The following NXPE3 variants were observed in gnomAD, a reference collection of about 807,000 sequenced individuals.
NXPE3 encodes neurexophilin and PC-esterase domain family member 3.
Under a neutral mutation model 46.1 loss-of-function variants are expected in NXPE3, and 26 were observed. The ratio of observed to expected loss-of-function variants is 0.56; its 90% CI spans 0.41 to 0.78. The LOEUF is 0.78. Among genes scored for constraint, NXPE3 ranks in the 30% least tolerant of loss-of-function variants. The pLI, the probability that NXPE3 is intolerant of heterozygous loss-of-function variation, is 0.00. For synonymous variants in NXPE3, 272 were observed against 257.9 expected (o/e 1.05, Z -0.52); for missense variants, 620 against 686.0 (o/e 0.90, Z 1.07).
At chr3:101,813,604 CT>C (rs1469372535) in intron 6 of NXPE3, among the ~76,000 whole-genome samples, 1 of 151,974 alleles carries the variant, frequency 6.6e-6, no homozygotes, top group Non-Finnish European at 1.5e-5. Flanking sequence ...AAAAATATCC[CT>C]TCTGGTTTTG....
At chr3:101,803,419 A>AT (rs1277122934) in intron 5 of NXPE3, among the ~76,000 whole-genome samples, 3 of 152,328 alleles carry the variant, frequency 2.0e-5, no homozygotes, top group South Asian at 2.1e-4. Flanking sequence ...GAAGACTAGT[A>AT]TTTTCTATGG....
chr3:101,824,478 C>G lies in NXPE3; in HGVS notation c.*2524C>G, dbSNP rs1343726375. 1 of 152,452 alleles carries G rather than the reference C, an allele frequency of 6.6e-6. No individual in the cohort carries two copies. Among genetic ancestry groups the G allele is most frequent in the Admixed American group, 6.5e-5 (1 of 15,282 alleles). 9.4% of individuals were successfully genotyped at this position (152,452 alleles called of 1,614,324 possible). Reference sequence around the variant, plus strand: ...TTTGTTTTTGAGACAGGGTCTTGCTCTTTTGCCCAGGCTGGAGTGCAGTGG... The same window carrying G: ...TTTGTTTTTGAGACAGGGTCTTGCTGTTTTGCCCAGGCTGGAGTGCAGTGG... On this transcript the variant is annotated 3_prime_UTR_variant, in exon 8 of 8. Coordinates refer to ENST00000273347, the MANE Select transcript of NXPE3 (RefSeq NM_145037.4).
intron 5 of NXPE3, among the ~76,000 whole-genome samples, chr3:101,806,051 T>C (rs969371099): frequency 6.6e-6 from 1 of 152,174 alleles, no homozygotes; most frequent in Non-Finnish European, 1.5e-5. Flanking sequence ...GTACACTTCC[T>C]TCATTACTTG....
intron 6 of NXPE3, among the ~76,000 whole-genome samples, chr3:101,809,455 TTC>T (rs1482160440): frequency 1.3e-5 from 2 of 152,196 alleles, no homozygotes; most frequent in East Asian, 3.8e-4. Context: ...TATGCAAACA[TTC>T]TGTTTCTGCT....
chr3:101,779,237 G>T lies in NXPE3; in HGVS notation c.-585G>T, dbSNP rs766372698. 7.9e-5 allele frequency: 12 copies of T among 152,232 alleles called. No individual in the cohort carries two copies. The highest frequency in any genetic ancestry group is 1.7e-4 in the African/African-American group (7 of 41,450). 9.4% of individuals were successfully genotyped at this position (152,232 alleles called of 1,614,324 possible). On this transcript the variant is annotated 5_prime_UTR_variant, in exon 1 of 8. Coordinates refer to ENST00000273347, the MANE Select transcript of NXPE3 (RefSeq NM_145037.4). ...AGGAGACGTCGCCGGGTGAGGAAGC[G>T]GGGGGCTAGCGGCCTGGCGCTGCGG...
chr3:101,793,285 G>A (rs1446893596), intron 4 of NXPE3, among the ~76,000 whole-genome samples: 2 of 152,120 alleles, frequency 1.3e-5, no homozygotes, highest in African/African-American at 4.8e-5. Flanking sequence ...CTCTGGCTAG[G>A]ATTTCCAATG....
chr3:101,781,656 AAGT>A lies in NXPE3; in HGVS notation c.-497-453_-497-451del, dbSNP rs1339309042. 2.0e-5 allele frequency: 3 copies of A among 152,252 alleles called. No individual in the cohort carries two copies. In the East Asian group the frequency reaches 5.8e-4, roughly 29 times the overall value. The allele number at this position is 152,252 out of a possible 1,614,324, so 9.4% of individuals were successfully genotyped here. The stretch of plus-strand genomic sequence containing the variant: ...CATATTATAAAAATAAAGCATGAGT[AAGT>A]GGTGGTCTGACATTTGAAAACAGGA... On this transcript the variant is annotated intron_variant, in intron 1 of 7. Coordinates refer to ENST00000273347, the MANE Select transcript of NXPE3 (RefSeq NM_145037.4).
chr3:101,807,121 T>C lies in NXPE3; in HGVS notation c.917T>C (p.Ile306Thr). 1 of 1,610,074 alleles carries C rather than the reference T, an allele frequency of 6.2e-7. No individual in the cohort carries two copies. Among genetic ancestry groups the C allele is most frequent in the Non-Finnish European group, 8.5e-7 (1 of 1,176,722 alleles). The change falls in exon 6 of 8, where the codon ATA (isoleucine) becomes ACA (threonine). Residue 306 changes from isoleucine to threonine, a missense_variant. By Grantham distance (89) the Ile-to-Thr change is moderately conservative. This residue lies in a region of NXPE3 where 511 missense variants were observed against 528.6 expected (regional missense o/e 0.97). Transcript: ENST00000273347. ...PDWVTVIPRR[I>T]KETNSLELSQ... ...TGGGTAACTGTGATTCCCAGGAGAA[T>C]AAAAGGTAAAAAAAAGAATAAGCTT...
At chr3:101,814,609 A>T (rs1941882905) in intron 6 of NXPE3, among the ~76,000 whole-genome samples, 1 of 152,176 alleles carries the variant, frequency 6.6e-6, no homozygotes, top group Non-Finnish European at 1.5e-5. Flanking sequence ...CAAATAGGGG[A>T]GTCACTTAAA....
At chr3:101,788,699 T>C (rs1940331992) in intron 4 of NXPE3, among the ~76,000 whole-genome samples, 1 of 152,130 alleles carries the variant, frequency 6.6e-6, no homozygotes. Context: ...CACTGCAACC[T>C]CCTCCTCCCA....
At chr3:101,785,147 T>C (rs1225964142) in intron 3 of NXPE3, among the ~76,000 whole-genome samples, 1 of 152,238 alleles carries the variant, frequency 6.6e-6, no homozygotes, top group Middle Eastern at 3.2e-3. Flanking sequence ...CATACTTCCT[T>C]ACTTTCTTAA....
At chr3:101,808,854 TATGAG>T (rs1941574794) in intron 6 of NXPE3, among the ~76,000 whole-genome samples, 2 of 100,348 alleles carry the variant, frequency 2.0e-5, no homozygotes, top group South Asian at 3.1e-4. Context: ...TATATATATA[TATGAG>T]ACATTTATCT....
chr3:101,802,065 G>T, intron 5 of NXPE3, 76 bp downstream of exon 5: 1 of 1,387,380 alleles, frequency 7.2e-7, no homozygotes, highest in Non-Finnish European at 9.7e-7. Context: ...GAGACTTTCT[G>T]GTATTCGGTA....
At chr3:101,786,577 T>C (rs1448986515) in intron 4 of NXPE3, among the ~76,000 whole-genome samples, 1 of 152,198 alleles carries the variant, frequency 6.6e-6, no homozygotes, top group Non-Finnish European at 1.5e-5. Context: ...TGTTAAAGAT[T>C]CTGTTAAAGA....
intron 4 of NXPE3, among the ~76,000 whole-genome samples, chr3:101,794,077 G>T (rs548991351): frequency 1.3e-5 from 2 of 151,134 alleles, no homozygotes; most frequent in East Asian, 3.9e-4. Context: ...CTGATGCCTA[G>T]TGTCTGGAAA....
At chr3:101,783,085 G>A (rs909346500) in intron 3 of NXPE3, among the ~76,000 whole-genome samples, 5 of 151,112 alleles carry the variant, frequency 3.3e-5, no homozygotes, top group African/African-American at 7.3e-5. Flanking sequence ...TTTTTGAGAC[G>A]GAGTCTCGCT....
chr3:101,793,627 C>G (rs1375990078), intron 4 of NXPE3, among the ~76,000 whole-genome samples: 1 of 19,408 alleles, frequency 5.2e-5, no homozygotes, highest in Non-Finnish European at 9.4e-5. Flanking sequence ...TTGACAAGGT[C>G]TTTTTTTTTT....
At chr3:101,800,556 T>C (rs1194591954) in intron 4 of NXPE3, among the ~76,000 whole-genome samples, 2 of 152,214 alleles carry the variant, frequency 1.3e-5, no homozygotes, top group African/African-American at 4.8e-5. Flanking sequence ...AACTATGTCC[T>C]TACCGATTTT....
chr3:101,791,521 G>A (rs1464086231), intron 4 of NXPE3, among the ~76,000 whole-genome samples: 8 of 152,128 alleles, frequency 5.3e-5, no homozygotes, highest in Admixed American at 4.6e-4. Flanking sequence ...AAGTAACTGC[G>A]ATTACAGATG....
Sources: allele counts gnomAD v4.1 joint callset (sites outside exome capture counted in the v4.1 genomes callset), GRCh38; gene constraint gnomAD v4.1.1; regional missense constraint gnomAD v4.1.1; transcripts MANE v1.5; gene names NCBI Gene and HGNC (gene_info 2026-07-23, HGNC 2026-07-21).